RBFOX1: variants seen among roughly 807,000 people sequenced by gnomAD.
RBFOX1 encodes RNA binding protein fox-1 homolog 1.
In RBFOX1, 8 loss-of-function variants were observed where a neutral mutation model predicts 57.7. The ratio of observed to expected loss-of-function variants is 0.14; its 90% CI spans 0.08 to 0.25. The LOEUF is 0.25. RBFOX1 is among the 10% of genes least tolerant of loss of function. The pLI, the probability that RBFOX1 is intolerant of heterozygous loss-of-function variation, is 1.00. For missense variants in RBFOX1, 611 were observed against 548.5 expected (o/e 1.11, Z -1.14); for synonymous variants, 326 against 222.4 (o/e 1.47, Z -4.15).
At chr16:7,240,700 A>T (rs1044127908) in intron 4 of RBFOX1, among the ~76,000 whole-genome samples, 2 of 152,002 alleles carry the variant, frequency 1.3e-5, no homozygotes, top group African/African-American at 4.8e-5. Flanking sequence ...GACTAGAGGC[A>T]TTCACCACCA....
chr16:7,031,515 G>C (rs944259546), intron 3 of RBFOX1, among the ~76,000 whole-genome samples: 1 of 151,900 alleles, frequency 6.6e-6, no homozygotes, highest in Admixed American at 6.6e-5. Context: ...AGAATCACTT[G>C]AACCCGTAAG....
rs1490758678 is a variant in RBFOX1 at position 7,397,574 on chromosome 16, C to T, written c.28-120573C>T. On this transcript the variant is annotated intron_variant, in intron 4 of 15. Coordinates refer to ENST00000550418, the MANE Select transcript of RBFOX1 (RefSeq NM_018723.4). ...ACTTTGAAAGTCAGTACCAAAGAGT[C>T]AGAACTGAATGGAAGGACACTAAAA... is the stretch of plus-strand genomic sequence containing the variant. Among the ~76,000 whole-genome samples the T allele has an allele frequency of 2.0e-5, 3 of 152,104 alleles. 1 individual carries two copies. Among genetic ancestry groups the T allele is most frequent in the Non-Finnish European group, 2.9e-5 (2 of 68,022 alleles).
chr16:6,517,861 G>T (rs1354320050), intron 2 of RBFOX1, among the ~76,000 whole-genome samples: 2 of 152,150 alleles, frequency 1.3e-5, no homozygotes, highest in African/African-American at 2.4e-5. Flanking sequence ...GATTGTATGA[G>T]AAATAAATGT....
chr16:7,276,611 G>A (rs2095445287), intron 4 of RBFOX1, among the ~76,000 whole-genome samples: 1 of 151,962 alleles, frequency 6.6e-6, no homozygotes, highest in African/African-American at 2.4e-5. Context: ...TTATGCCTCT[G>A]GAAGAGACCA....
chr16:5,381,850 A>C (rs373796187), intron 1 of RBFOX1, among the ~76,000 whole-genome samples: 13 of 152,252 alleles, frequency 8.5e-5, no homozygotes, highest in African/African-American at 3.1e-4. Flanking sequence ...TCTTGCAACC[A>C]AAAAACAGGC....
At chr16:6,331,073 T>C (rs764523233) in intron 2 of RBFOX1, among the ~76,000 whole-genome samples, 1 of 152,160 alleles carries the variant, frequency 6.6e-6, no homozygotes, top group Non-Finnish European at 1.5e-5. Context: ...TAGTAATACT[T>C]GTGTTTTTAA....
At chr16:7,047,192 A>G (rs1027393376) in intron 3 of RBFOX1, among the ~76,000 whole-genome samples, 1 of 151,520 alleles carries the variant, frequency 6.6e-6, no homozygotes, top group African/African-American at 2.4e-5. Context: ...CAGGTATCCT[A>G]TTTCCTTTAT....
Position 5,368,269 on chromosome 16 carries a change from T to C in RBFOX1, c.220-98947T>C, listed in dbSNP as rs866788388. Among the ~76,000 whole-genome samples, 54 of 152,234 alleles carry C rather than the reference T, an allele frequency of 3.5e-4. 1 individual carries two copies. The highest frequency in any genetic ancestry group is 1.2e-3 in the African/African-American group (50 of 41,466). On this transcript the variant is annotated intron_variant, in intron 1 of 2. Coordinates refer to the RBFOX1 transcript ENST00000585867. Reference sequence around the variant, plus strand: ...GATTTCTTAATAACTTTTTTTACGCTTGCGACTGCATTTTCATCTCTAGGT... The same window carrying C: ...GATTTCTTAATAACTTTTTTTACGCCTGCGACTGCATTTTCATCTCTAGGT...
intron 2 of RBFOX1, among the ~76,000 whole-genome samples, chr16:6,622,034 G>A (rs539562030): frequency 4.6e-5 from 7 of 152,308 alleles, no homozygotes; most frequent in African/African-American, 1.4e-4. Flanking sequence ...TACAAGACCT[G>A]AGAGTGATGT....
At chr16:7,409,629 C>A (rs959667036) in intron 4 of RBFOX1, among the ~76,000 whole-genome samples, 1 of 152,202 alleles carries the variant, frequency 6.6e-6, no homozygotes, top group Non-Finnish European at 1.5e-5. Flanking sequence ...TAATAAGGAG[C>A]CACATACCAT....
chr16:5,792,798 G>A (rs541325847), intron 3 of RBFOX1, among the ~76,000 whole-genome samples: 105 of 152,192 alleles, frequency 6.9e-4, no homozygotes, highest in African/African-American at 2.2e-3. Context: ...AGGTGAGATC[G>A]TGCCACTGCA....
chr16:7,200,728 G>T (rs894003731), intron 4 of RBFOX1, among the ~76,000 whole-genome samples: 2 of 152,144 alleles, frequency 1.3e-5, no homozygotes, highest in African/African-American at 4.8e-5. Flanking sequence ...AGCAGAGAGG[G>T]ATCCCCATTA....
intron 3 of RBFOX1, among the ~76,000 whole-genome samples, chr16:6,819,205 G>A (rs73532693): frequency 0.032 from 4,916 of 152,190 alleles, 270 homozygotes; most frequent in African/African-American, 0.11. Context: ...GTTTATTTCC[G>A]TATAGAAATC....
intron 4 of RBFOX1, among the ~76,000 whole-genome samples, chr16:7,396,204 C>T (rs1470710602): frequency 9.9e-5 from 15 of 152,138 alleles, no homozygotes; most frequent in Admixed American, 9.8e-4. Context: ...CAACCCTCTG[C>T]TGTGTCTCCA....
chr16:7,498,614 A>G (rs189264398), intron 4 of RBFOX1, among the ~76,000 whole-genome samples: 42 of 152,358 alleles, frequency 2.8e-4, no homozygotes, highest in African/African-American at 9.6e-4. Context: ...AACTGACACT[A>G]CTAAAGAGAT....
chr16:7,157,237 G>A (rs558816056), intron 4 of RBFOX1, among the ~76,000 whole-genome samples: 78 of 152,278 alleles, frequency 5.1e-4, no homozygotes, highest in Admixed American at 1.0e-3. Context: ...GCTGGCAGCT[G>A]CCTGCCATGA....
chr16:7,329,417 G>A (rs991531857), intron 4 of RBFOX1, among the ~76,000 whole-genome samples: 24 of 152,192 alleles, frequency 1.6e-4, no homozygotes, highest in African/African-American at 5.3e-4. Flanking sequence ...ACTGCCACTG[G>A]GGAATGGAAA....
chr16:6,659,763 C>T (rs772846143), intron 3 of RBFOX1, among the ~76,000 whole-genome samples: 14 of 152,122 alleles, frequency 9.2e-5, no homozygotes, highest in Non-Finnish European at 2.1e-4. Flanking sequence ...GCCTGCCCTT[C>T]CGGGAAGTAG....
In RBFOX1 at chr16:5,468,013, G is replaced by C. The variant is rs532650998; in HGVS notation, c.258+759G>C. 5.8e-4 allele frequency among the ~76,000 whole-genome samples: 89 copies of C among 152,314 alleles called. 3 individuals are homozygous for C. The highest frequency in any genetic ancestry group is 2.9e-3 in the Admixed American group (45 of 15,300). ...TGGTTTAAGTGGCAAAGGAGGCTTT[G>C]TGGGGAGGCGGAATCTATGCTTGCT... On this transcript the variant is annotated intron_variant, in intron 2 of 2. Coordinates refer to the RBFOX1 transcript ENST00000585867.
Sources: gnomAD v4.1 joint callset for allele counts (sites outside exome capture counted in the v4.1 genomes callset) on GRCh38, gnomAD v4.1.1 for gene constraint, MANE v1.5 for transcripts, NCBI Gene and HGNC (gene_info 2026-07-23, HGNC 2026-07-21) for gene names.